TBCD: variants seen among roughly 807,000 people sequenced by gnomAD.
TBCD encodes the protein tubulin-specific chaperone D.
In TBCD, 105 loss-of-function variants were observed where a neutral mutation model predicts 169.3. The ratio of observed to expected loss-of-function variants is 0.62; its 90% CI spans 0.53 to 0.73. The LOEUF (loss-of-function observed/expected upper bound fraction) is 0.73. Ranked by LOEUF, TBCD falls within the 30% of genes least tolerant of loss-of-function variation. The pLI, the probability that TBCD is intolerant of heterozygous loss-of-function variation, is 0.00. For missense variants in TBCD, 1,444 were observed against 1,600.1 expected (o/e 0.90, Z 1.66); for synonymous variants, 700 against 643.9 (o/e 1.09, Z -1.32).
intron 38 of TBCD, chr17:82,941,937 G>A (rs1023441306): frequency 2.3e-5 from 5 of 214,458 alleles, no homozygotes; most frequent in Non-Finnish European, 3.7e-5. Context: ...CAGTTCTCTC[G>A]GGGGCTGGGG....
intron 34 of TBCD, among the ~76,000 whole-genome samples, chr17:82,935,470 G>A (rs1041886132): frequency 1.3e-5 from 2 of 151,900 alleles, no homozygotes; most frequent in African/African-American, 2.4e-5. Flanking sequence ...TGCGTTCCCA[G>A]TGCCCCCTCC....
Position 82,781,659 on chromosome 17 carries a change from G to T in TBCD, c.709G>T (p.Ala237Ser). The T allele has an allele frequency of 3.1e-6, 5 of 1,613,816 alleles. No individual in the cohort carries two copies. Among genetic ancestry groups the T allele is most frequent in the Non-Finnish European group, 4.2e-6 (5 of 1,179,848 alleles). Residue 237 changes from alanine to serine, a missense_variant, in exon 7 of 39, where the codon GCC becomes TCC. Coordinates refer to ENST00000355528, the MANE Select transcript of TBCD (RefSeq NM_005993.5). ...EFLDWSLCNL[A>S]RSSFQTMQGV... is the part of the protein sequence containing the mutation. Reference sequence around the variant, plus strand: ...CCTGGACTGGAGCCTGTGCAATCTGGCCCGTTCCTCCTTCCAGACCATGCA... The same window carrying T: ...CCTGGACTGGAGCCTGTGCAATCTGTCCCGTTCCTCCTTCCAGACCATGCA...
chr17:82,861,255 G>A (rs569452169), intron 13 of TBCD, among the ~76,000 whole-genome samples: 477 of 152,248 alleles, frequency 3.1e-3, no homozygotes, highest in Non-Finnish European at 5.5e-3. Context: ...ATGTGCGGCC[G>A]GCTGGGGGCA....
Position 82,930,355 on chromosome 17 carries a change from A to C in TBCD, c.2992-167A>C. On this transcript the variant is annotated intron_variant, in intron 32 of 38. Coordinates refer to ENST00000355528, the MANE Select transcript of TBCD (RefSeq NM_005993.5). The surrounding 1 kb of genome is among the most constrained non-coding windows in gnomAD (Gnocchi z 5.2). ...GTCTGCTTCGGGTGTCTGCACTGTG[A>C]GTGGCTCCGTGCTGGCGTCCGCACC... 3 of 933,300 alleles carry C rather than the reference A, an allele frequency of 3.2e-6. No individual in the cohort carries two copies. Among genetic ancestry groups the C allele is most frequent in the Non-Finnish European group, 4.7e-6 (3 of 643,714 alleles). 57.8% of individuals were successfully genotyped at this position (933,300 alleles called of 1,614,324 possible). A position where few individuals can be genotyped will look rare whatever the true frequency, so the allele number is the denominator to read the frequency against.
Position 82,920,423 on chromosome 17 carries a change from C to G in TBCD, c.2039-133C>G. The G allele has an allele frequency of 1.4e-6, 1 of 731,262 alleles. No individual in the cohort carries two copies. Among genetic ancestry groups the G allele is most frequent in the Non-Finnish European group, 2.3e-6 (1 of 437,308 alleles). The allele number at this position is 731,262 out of a possible 1,614,324, so 45.3% of individuals were successfully genotyped here. A position where few individuals can be genotyped will look rare whatever the true frequency, so the allele number is the denominator to read the frequency against. ...GGTTCTGGGATGTTTCCAGCCCTGG[C>G]AGCAGGGTAGGTTGGGCGGGTGAGG... On this transcript the variant is annotated intron_variant, in intron 23 of 38. Transcript: ENST00000355528. This position sits in a 1 kb window ranked among gnomAD's most constrained non-coding sequence, Gnocchi z 4.1.
chr17:82,795,303 C>T (rs562926584), intron 7 of TBCD, among the ~76,000 whole-genome samples: 6 of 152,134 alleles, frequency 3.9e-5, no homozygotes, highest in Admixed American at 6.5e-5. Flanking sequence ...CATGTTAGCC[C>T]GTTGCTGAGA....
chr17:82,790,213 G>A (rs1249946328), intron 7 of TBCD, among the ~76,000 whole-genome samples: 1 of 152,154 alleles, frequency 6.6e-6, no homozygotes, highest in African/African-American at 2.4e-5. Flanking sequence ...CTACCCTCCC[G>A]CCTCTCCTGT....
At chr17:82,790,257 G>A (rs2049611836) in intron 7 of TBCD, among the ~76,000 whole-genome samples, 1 of 152,206 alleles carries the variant, frequency 6.6e-6, no homozygotes, top group South Asian at 2.1e-4. Flanking sequence ...CTGGTGGAGG[G>A]TGTGAGCCAT....
chr17:82,844,107 C>T (rs995794247), intron 13 of TBCD, among the ~76,000 whole-genome samples: 2 of 152,130 alleles, frequency 1.3e-5, no homozygotes, highest in South Asian at 2.1e-4. Flanking sequence ...TTTGTAGCAT[C>T]TCATTCTCAT....
chr17:82,932,316 G>A (rs1284494517), intron 33 of TBCD, among the ~76,000 whole-genome samples: 2 of 152,210 alleles, frequency 1.3e-5, no homozygotes, highest in African/African-American at 2.4e-5. Context: ...CCCAATTGCT[G>A]GGAGGGCTCC....
At chr17:82,791,524 C>T (rs1439314978) in intron 7 of TBCD, among the ~76,000 whole-genome samples, 1 of 152,150 alleles carries the variant, frequency 6.6e-6, no homozygotes, top group African/African-American at 2.4e-5. Flanking sequence ...GGGCAGGGGG[C>T]ACACCCCAGA....
chr17:82,763,420 T>C (rs1315486490), intron 2 of TBCD, among the ~76,000 whole-genome samples: 1 of 152,204 alleles, frequency 6.6e-6, no homozygotes, highest in Non-Finnish European at 1.5e-5. Flanking sequence ...TAGCTATGTC[T>C]TTTTGTTTGT....
chr17:82,860,516 T>A, intron 13 of TBCD: 1 of 859,314 alleles, frequency 1.2e-6, no homozygotes, highest in Non-Finnish European at 1.4e-6. Flanking sequence ...AAACAGCAAT[T>A]ACTTGGGATT....
At chr17:82,902,210 G>A (rs2059939089) in intron 18 of TBCD, among the ~76,000 whole-genome samples, 1 of 152,208 alleles carries the variant, frequency 6.6e-6, no homozygotes, top group Admixed American at 6.5e-5. Flanking sequence ...TTGCCTTAAA[G>A]TAACTGATGA....
chr17:82,831,707 GCT>G lies in TBCD; in HGVS notation c.1318+16776_1318+16777del. 6.2e-7 allele frequency: 1 copy of G among 1,614,180 alleles called. No individual in the cohort carries two copies. The highest frequency in any genetic ancestry group is 1.1e-5 in the South Asian group (1 of 91,084). ...GGCGAGTAGATGGTGGCCAGCCCGT[GCT>G]CTGTGTAAAAGTGAGGCGGGTACTC... On this transcript the variant is annotated intron_variant, in intron 13 of 38. Coordinates refer to ENST00000355528, the MANE Select transcript of TBCD (RefSeq NM_005993.5). The surrounding 1 kb of genome is among the most constrained non-coding windows in gnomAD (Gnocchi z 4.6).
In TBCD at chr17:82,905,995, AT is replaced by A; in HGVS notation, c.1866del (p.Leu623SerfsTer33). The A allele has an allele frequency of 6.2e-7, 1 of 1,613,200 alleles. No homozygotes were observed. The highest frequency in any genetic ancestry group is 8.5e-7 in the Non-Finnish European group (1 of 1,179,602). On this transcript the variant is annotated frameshift_variant, in exon 20 of 39. Coordinates refer to ENST00000355528, the MANE Select transcript of TBCD (RefSeq NM_005993.5). LOFTEE classifies it high-confidence loss of function. ...SPDLHMRHGS[I>X]LACAEVAYAL... ...AGATCTTCACATGAGGCATGGGTCG[AT>A]TCTCGCCTGCGCAGAAGTTGCTTAC...
chr17:82,777,170 CA>C (rs1384059314), intron 6 of TBCD, among the ~76,000 whole-genome samples: 1 of 151,986 alleles, frequency 6.6e-6, no homozygotes, highest in African/African-American at 2.4e-5. Flanking sequence ...AACAAGTAGT[CA>C]TTTATATTTT....
chr17:82,772,669 C>T (rs1466233506), intron 6 of TBCD, among the ~76,000 whole-genome samples, 162 bp downstream of exon 6: 2 of 152,180 alleles, frequency 1.3e-5, no homozygotes, highest in African/African-American at 2.4e-5. Context: ...AGTGTTTGGG[C>T]ACAGAAGACC....
At position 82,832,835 on chromosome 17, in the gene TBCD, C is replaced by T. The variant is rs76445273; in HGVS notation, c.1318+17901C>T. Among the ~76,000 whole-genome samples the T allele has an allele frequency of 7.5e-3, 1,142 of 152,284 alleles. 10 individuals are homozygous for T. The highest frequency in any genetic ancestry group is 0.026 in the African/African-American group (1,080 of 41,548). ...GGTAACCTGGCTGCTGACTCCCCAC[C>T]GTGTTTTCTGTTTTCTGAGTCTGAT... On this transcript the variant is annotated intron_variant, in intron 13 of 38. Transcript: ENST00000355528. The surrounding 1 kb of genome is among the most constrained non-coding windows in gnomAD (Gnocchi z 4.9).
Sources: gnomAD v4.1 joint callset for allele counts (sites outside exome capture counted in the v4.1 genomes callset) on GRCh38, gnomAD v4.1.1 for gene constraint, Gnocchi (gnomAD v3.1) non-coding constraint, MANE v1.5 for transcripts, NCBI Gene and HGNC (gene_info 2026-07-23, HGNC 2026-07-21) for gene names.